The following SGPP2 variants were observed in gnomAD, a reference collection of about 807,000 sequenced individuals.
SGPP2 encodes sphingosine-1-phosphate phosphatase 2, also known as sphingosine 1-phosphate phosphohydrolase 2.
Under a neutral mutation model 33.9 loss-of-function variants are expected in SGPP2, and 30 were observed. That is an observed-to-expected ratio of 0.89 (90% CI 0.66 to 1.20). The LOEUF (loss-of-function observed/expected upper bound fraction) is 1.20. Among genes scored for constraint, SGPP2 ranks in the 50% most tolerant of loss-of-function variants. The probability of loss-of-function intolerance (pLI) is 0.00; values close to 1 mark genes in which losing one functional copy is unlikely to be tolerated. For missense variants in SGPP2, 458 were observed against 532.1 expected, an observed-to-expected ratio of 0.86 and a Z score of 1.37; for synonymous variants, 233 against 225.0, an observed-to-expected ratio of 1.04 and a Z score of -0.32.
intron 4 of SGPP2, among the ~76,000 whole-genome samples, chr2:222,549,969 C>A (rs1315869905): frequency 6.6e-6 from 1 of 151,790 alleles, no homozygotes; most frequent in Admixed American, 6.6e-5. Flanking sequence ...CTCCACCTCC[C>A]GGGTTCAAGC....
intron 1 of SGPP2, among the ~76,000 whole-genome samples, chr2:222,439,976 A>G (rs569251311): frequency 1.3e-5 from 2 of 152,348 alleles, no homozygotes; most frequent in South Asian, 2.1e-4. Flanking sequence ...TGAAGGGTAT[A>G]TGGGACAACT....
At chr2:222,538,579 C>T (rs1698948197) in intron 4 of SGPP2, among the ~76,000 whole-genome samples, 1 of 152,158 alleles carries the variant, frequency 6.6e-6, no homozygotes, top group African/African-American at 2.4e-5. Flanking sequence ...TGCCCTTCCT[C>T]AATTCAATTG....
intron 1 of SGPP2, among the ~76,000 whole-genome samples, chr2:222,436,644 T>C (rs150510263): frequency 1.6e-3 from 238 of 152,272 alleles, no homozygotes; most frequent in African/African-American, 5.5e-3. Context: ...GGCAATGCTG[T>C]GTGGGATACT....
chr2:222,437,287 T>C (rs1296506290), intron 1 of SGPP2, among the ~76,000 whole-genome samples: 3 of 152,208 alleles, frequency 2.0e-5, no homozygotes, highest in Non-Finnish European at 4.4e-5. Flanking sequence ...TAATTGCACA[T>C]CTGGCCACTT....
intron 1 of SGPP2, among the ~76,000 whole-genome samples, chr2:222,439,118 C>T (rs955558898): frequency 3.9e-5 from 6 of 152,268 alleles, no homozygotes; most frequent in South Asian, 2.1e-4. Flanking sequence ...CTGGAATCAA[C>T]GTCAGCTCAG....
intron 1 of SGPP2, among the ~76,000 whole-genome samples, chr2:222,431,724 AG>A (rs1697159984): frequency 6.6e-6 from 1 of 152,142 alleles, no homozygotes; most frequent in African/African-American, 2.4e-5. Flanking sequence ...ACCAGAGCTG[AG>A]GCCCTTAGCA....
At chr2:222,497,227 A>G (rs1305825073) in intron 2 of SGPP2, among the ~76,000 whole-genome samples, 2 of 151,682 alleles carry the variant, frequency 1.3e-5, no homozygotes, top group Non-Finnish European at 2.9e-5. Context: ...TGCTTTTTGA[A>G]AAGAGTGTCA....
chr2:222,524,403 C>T (rs1698727283), intron 3 of SGPP2, among the ~76,000 whole-genome samples: 1 of 152,220 alleles, frequency 6.6e-6, no homozygotes, highest in Non-Finnish European at 1.5e-5. Context: ...ACTAGTATTA[C>T]TCAGCAGCAA....
intron 1 of SGPP2, 143 bp downstream of exon 1, chr2:222,424,964 C>A: frequency 1.5e-6 from 1 of 659,974 alleles, no homozygotes; most frequent in Non-Finnish European, 2.2e-6. Flanking sequence ...TGCGAGCGGA[C>A]GGGGAGGCCT....
intron 1 of SGPP2, among the ~76,000 whole-genome samples, chr2:222,427,450 T>C (rs1388262104): frequency 6.6e-6 from 1 of 152,102 alleles, no homozygotes; most frequent in African/African-American, 2.4e-5. Context: ...GTTGTTATTG[T>C]TGTTTTTTGT....
Position 222,477,955 on chromosome 2 carries a change from C to G in SGPP2, c.378+3229C>G, listed in dbSNP as rs60780669. On this transcript the variant is annotated intron_variant, in intron 2 of 4. Transcript: ENST00000321276. This position sits in a 1 kb window ranked among gnomAD's most constrained non-coding sequence, Gnocchi z 6.0. ...AATAACCTCTGAATCTGCAGTTTGT[C>G]CTGAGGTTTGGCCACCTGTTACTTG... Among the ~76,000 whole-genome samples, 14 of 152,176 alleles carry G rather than the reference C, an allele frequency of 9.2e-5. No individual in the cohort carries two copies. In the South Asian group the frequency reaches 2.9e-3, roughly 32 times the overall value.
intron 4 of SGPP2, among the ~76,000 whole-genome samples, chr2:222,557,533 G>A (rs1391035625): frequency 1.3e-5 from 2 of 152,142 alleles, no homozygotes; most frequent in African/African-American, 4.8e-5. Flanking sequence ...AGAATATATG[G>A]AAACATGCAA....
chr2:222,476,830 ATGTGTATG>A lies in SGPP2; in HGVS notation c.378+2112_378+2119del, dbSNP rs1444324437. On this transcript the variant is annotated intron_variant, in intron 2 of 4. Transcript: ENST00000321276. This position sits in a 1 kb window ranked among gnomAD's most constrained non-coding sequence, Gnocchi z 4.3. ...CGTGCGTGTATATAGGTGTGTGTAT[ATGTGTATG>A]TGTGTATATAGGTGTGTATATGTGT... is the stretch of plus-strand genomic sequence containing the variant. Among the ~76,000 whole-genome samples, 2 of 151,450 alleles carry A rather than the reference ATGTGTATG, an allele frequency of 1.3e-5. No homozygotes were observed. Among genetic ancestry groups the A allele is most frequent in the Non-Finnish European group, 2.9e-5 (2 of 67,826 alleles).
At chr2:222,500,638 G>C (rs528170205) in intron 2 of SGPP2, among the ~76,000 whole-genome samples, 17 of 152,310 alleles carry the variant, frequency 1.1e-4, no homozygotes, top group African/African-American at 3.4e-4. Flanking sequence ...CCATTTGGCT[G>C]TTCCCCCAGA....
In SGPP2 at chr2:222,466,963, G is replaced by C. The variant is rs979882582; in HGVS notation, c.220-7605G>C. On this transcript the variant is annotated intron_variant, in intron 1 of 4. Coordinates refer to ENST00000321276, the MANE Select transcript of SGPP2 (RefSeq NM_152386.4). ...TGTTGCAGGATCCTCCATGGTATCT[G>C]TTCACTGTTCCCCTCTGGTTTGTCA... 4.6e-5 allele frequency among the ~76,000 whole-genome samples: 7 copies of C among 152,122 alleles called. No individual in the cohort carries two copies. The South Asian group carries it at 1.5e-3, about 32-fold the overall frequency.
chr2:222,511,277 A>C (rs750250700), intron 2 of SGPP2, among the ~76,000 whole-genome samples: 9 of 152,298 alleles, frequency 5.9e-5, no homozygotes, highest in Non-Finnish European at 1.3e-4. Flanking sequence ...GCCTGGGGTG[A>C]ATGGTCGACT....
chr2:222,485,743 G>T (rs1698096238), intron 2 of SGPP2, among the ~76,000 whole-genome samples: 1 of 152,138 alleles, frequency 6.6e-6, no homozygotes, highest in African/African-American at 2.4e-5. Context: ...GGCCTGTCCA[G>T]CTCCTGTGTG....
chr2:222,478,352 T>G (rs572904094), intron 2 of SGPP2, among the ~76,000 whole-genome samples: 10 of 151,364 alleles, frequency 6.6e-5, no homozygotes, highest in Admixed American at 2.0e-4. Flanking sequence ...GAGACAATAA[T>G]GAGAGATATT....
chr2:222,428,512 C>G (rs1420251118), intron 1 of SGPP2, among the ~76,000 whole-genome samples: 1 of 152,156 alleles, frequency 6.6e-6, no homozygotes, highest in African/African-American at 2.4e-5. Context: ...GATAACTGCT[C>G]AGACATAGTT....
Sources: allele counts gnomAD v4.1 joint callset (sites outside exome capture counted in the v4.1 genomes callset), GRCh38; gene constraint gnomAD v4.1.1; non-coding constraint Gnocchi (gnomAD v3.1); transcripts MANE v1.5; gene names NCBI Gene and HGNC (gene_info 2026-07-23, HGNC 2026-07-21).